TM6SF2: variants seen among roughly 807,000 people sequenced by gnomAD.
The protein encoded by TM6SF2 is transmembrane 6 superfamily member 2.
TM6SF2 carries 29 observed loss-of-function variants against 41.0 expected under a neutral mutation model. The ratio of observed to expected loss-of-function variants is 0.71; its 90% confidence interval spans 0.53 to 0.96. The LOEUF (loss-of-function observed/expected upper bound fraction) is 0.96, where lower values mean the gene tolerates loss of function less well. Among genes scored for constraint, TM6SF2 ranks in the 50% least tolerant of loss-of-function variants. TM6SF2 has a pLI of 0.00. For synonymous variants in TM6SF2, 200 were observed against 209.1 expected (o/e 0.96, Z 0.37); for missense variants, 475 against 499.0 (o/e 0.95, Z 0.46).
chr19:19,270,494 G>A, intron 2 of TM6SF2, 52 bp from the exon 3 acceptor site: 2 of 1,566,396 alleles, frequency 1.3e-6, no homozygotes, highest in Non-Finnish European at 1.7e-6. Context: ...ACGTGTGGGT[G>A]GGGCTAGGGC....
At chr19:19,265,038 G>GTTTT (rs550015865) in intron 9 of TM6SF2, among the ~76,000 whole-genome samples, 165 bp from the exon 10 acceptor site, 24 of 121,048 alleles carry the variant, frequency 2.0e-4, no homozygotes, top group African/African-American at 4.0e-4. Context: ...CCATCTATCT[G>GTTTT]TTTTTTTTTT....
rs1193517870 is a variant in TM6SF2 at position 19,273,296 on chromosome 19, G to A, written c.-81C>T. 12 of 1,112,466 alleles carry A rather than the reference G, an allele frequency of 1.1e-5. No homozygotes were observed. Among genetic ancestry groups the A allele is most frequent in the Admixed American group, 8.5e-5 (2 of 23,636 alleles). The allele number at this position is 1,112,466 out of a possible 1,614,324, so 68.9% of individuals were successfully genotyped here. A position where few individuals can be genotyped will look rare whatever the true frequency, so the allele number is the denominator to read the frequency against. ...TCCTCGTTGGCGGCGAGTCCGGGCC[G>A]AGGCTGCCAGGGACCCGCCCCGCAC... On this transcript the variant is annotated 5_prime_UTR_variant, in exon 1 of 10. Transcript: ENST00000389363.
intron 1 of TM6SF2, 60 bp downstream of exon 1, chr19:19,273,061 T>TTGGCCCCCCCCCCCCC: frequency 3.3e-6 from 1 of 305,470 alleles, no homozygotes; most frequent in Non-Finnish European, 6.1e-6. Context: ...CCTCCAGTCC[T>TTGGCCCCCCCCCCCCC]CCCCGCCCCC....
intron 8 of TM6SF2, 105 bp from the exon 9 acceptor site, chr19:19,266,714 G>A: frequency 1.4e-6 from 2 of 1,400,746 alleles, no homozygotes; most frequent in Non-Finnish European, 1.9e-6. Flanking sequence ...GGATCTGGAT[G>A]GCCTCAGACC....
chr19:19,273,075 C>CCCCCCCCCCCT, intron 1 of TM6SF2, 46 bp downstream of exon 1: 1 of 610,176 alleles, frequency 1.6e-6, no homozygotes, highest in Non-Finnish European at 2.7e-6. Context: ...CGCCCCCGCC[C>CCCCCCCCCCCT]GCCCCCACTG....
intron 1 of TM6SF2, 48 bp from the exon 2 acceptor site, chr19:19,271,173 C>T: frequency 6.9e-7 from 1 of 1,451,220 alleles, no homozygotes; most frequent in Non-Finnish European, 9.7e-7. Context: ...AGTGCTGAGG[C>T]ATCGCCCCAC....
chr19:19,264,759 G>A lies in TM6SF2; in HGVS notation c.1039C>T (p.Pro347Ser), dbSNP rs1280034884. ...FVCNLLYALG[P>S]HLLAYRCLQW... Reference sequence around the variant, plus strand: ...AGGCAACGGTAGGCCAGCAGGTGGGGGCCCAGCGCATACAGCAGATTGCAC... The same window carrying A: ...AGGCAACGGTAGGCCAGCAGGTGGGAGCCCAGCGCATACAGCAGATTGCAC... The change falls in exon 10 of 10, where the codon CCC becomes TCC. Residue 347 changes from proline (P) to serine (S), a missense_variant. By Grantham distance (74) the Pro-to-Ser change is moderately conservative (BLOSUM62 -1). Transcript: ENST00000389363. The A allele has an allele frequency of 6.2e-7, 1 of 1,608,910 alleles. No individual in the cohort carries two copies. Among genetic ancestry groups the A allele is most frequent in the South Asian group, 1.1e-5 (1 of 90,036 alleles).
chr19:19,268,202 T>C (rs916374871), intron 6 of TM6SF2, 115 bp from the exon 7 acceptor site: 10 of 704,822 alleles, frequency 1.4e-5, no homozygotes, highest in South Asian at 2.2e-5. Flanking sequence ...CTTTTTTTTC[T>C]TTTTTCTTTT....
chr19:19,271,221 C>A, intron 1 of TM6SF2, 96 bp from the exon 2 acceptor site: 1 of 968,928 alleles, frequency 1.0e-6, no homozygotes, highest in East Asian at 2.4e-5. Flanking sequence ...CCTGGAAGCC[C>A]CAGGGGAAGA....
At chr19:19,265,042 T>G (rs1211430430) in intron 9 of TM6SF2, among the ~76,000 whole-genome samples, 169 bp from the exon 10 acceptor site, 3 of 146,774 alleles carry the variant, frequency 2.0e-5, no homozygotes, top group Admixed American at 6.7e-5. Context: ...CTATCTGTTT[T>G]TTTTTTTTTT....
chr19:19,264,596 C>G lies in TM6SF2; in HGVS notation c.*68G>C, dbSNP rs2060995862. 2.7e-5 allele frequency: 36 copies of G among 1,320,908 alleles called. No individual in the cohort carries two copies. The highest frequency in any genetic ancestry group is 3.6e-5 in the Non-Finnish European group (36 of 1,012,998). 81.8% of individuals were successfully genotyped at this position (1,320,908 alleles called of 1,614,324 possible). A position where few individuals can be genotyped will look rare whatever the true frequency, so the allele number is the denominator to read the frequency against. On this transcript the variant is annotated 3_prime_UTR_variant, in exon 10 of 10. Transcript: ENST00000389363. ...CCCTCCTGTCTCTAAAACACCCAAC[C>G]CCCGCTTCCCCAGGTAGGGCTGACT...
intron 9 of TM6SF2, among the ~76,000 whole-genome samples, 197 bp downstream of exon 9, chr19:19,266,293 C>T (rs1336900214): frequency 6.6e-6 from 1 of 152,182 alleles, no homozygotes. Flanking sequence ...CAGCCCCTGT[C>T]CCTATTTTCA....
intron 9 of TM6SF2, among the ~76,000 whole-genome samples, chr19:19,266,086 G>A (rs1375789003): frequency 2.0e-5 from 3 of 152,052 alleles, no homozygotes; most frequent in Non-Finnish European, 2.9e-5. Context: ...AAAGCCTTCA[G>A]CATCCAGCTG....
chr19:19,270,025 C>T, intron 4 of TM6SF2, 148 bp downstream of exon 4: 10 of 1,518,404 alleles, frequency 6.6e-6, no homozygotes, highest in Non-Finnish European at 8.8e-6. Flanking sequence ...TCCCTGGAAC[C>T]TTCTCCTGGC....
Position 19,271,049 on chromosome 19 carries a change from C to A in TM6SF2, c.172G>T (p.Glu58Ter), listed in dbSNP as rs199996201. Residue 58 changes from glutamate (E) to a stop codon, truncating the protein, a stop_gained, in exon 2 of 10, where the codon GAG (glutamate) becomes TAG (stop). Transcript: ENST00000389363. LOFTEE classifies it high-confidence loss of function. The stretch of plus-strand genomic sequence containing the variant: ...GCATAGAGTGGGTCATAGGAGACCT[C>A]GCCATGGGACAAGCTGTAGACCGCC... ...FVAVYSLSHG[E>*]VSYDPLYAVF... The A allele has an allele frequency of 1.2e-6, 2 of 1,614,020 alleles. No homozygotes were observed. The highest frequency in any genetic ancestry group is 1.3e-5 in the African/African-American group (1 of 74,912).
chr19:19,267,640 A>G lies in TM6SF2; in HGVS notation c.785T>C (p.Val262Ala), dbSNP rs1365190336. 1 of 1,613,680 alleles carries G rather than the reference A, an allele frequency of 6.2e-7. No individual in the cohort carries two copies. The highest frequency in any genetic ancestry group is 1.3e-5 in the African/African-American group (1 of 75,010). Residue 262 changes from valine (V) to alanine (A), a missense_variant, in exon 8 of 10, where the codon GTG becomes GCG. Val to Ala is a moderately conservative substitution (Grantham distance 64, BLOSUM62 0). Around this residue, in one of 3 missense-constraint regions of TM6SF2, gnomAD observed 190 missense variants for 190.2 expected, o/e 1.00. Transcript: ENST00000389363. ...YQYEPYLRDP[V>A]AYPKVQMLMY... ...TCTCACCTGCACCTTAGGGTAGGCC[A>G]CAGGGTCCCGCAGGTATGGCTCATA...
In TM6SF2 at chr19:19,272,732, C is replaced by T. The variant is rs2061028909; in HGVS notation, c.95+389G>A. Reference sequence around the variant, plus strand: ...GTGTGTGTGTGTGTGTGTGTGTGAGCAGGAGTCAGGTACCCGGGGCCTTAT... The same window carrying T: ...GTGTGTGTGTGTGTGTGTGTGTGAGTAGGAGTCAGGTACCCGGGGCCTTAT... On this transcript the variant is annotated intron_variant, in intron 1 of 9. Coordinates refer to ENST00000389363, the MANE Select transcript of TM6SF2 (RefSeq NM_001001524.3). Among the ~76,000 whole-genome samples the T allele has an allele frequency of 5.5e-5, 5 of 91,254 alleles. No homozygotes were observed. The Admixed American group carries it at 5.6e-4, about 10-fold the overall frequency. 59.9% of individuals were successfully genotyped at this position (91,254 alleles called of 152,430 possible). A position where few individuals can be genotyped will look rare whatever the true frequency, so the allele number is the denominator to read the frequency against.
rs577205451 is a variant in TM6SF2, at chr19:19,267,956, G to A, written c.711+30C>T. ...TCAGGGAAGGGAGACTGGTGGCAGG[G>A]GAGGGGGAGACCAACCAGCGCAGAC... On this transcript the variant is annotated intron_variant, in intron 7 of 9. Coordinates refer to ENST00000389363, the MANE Select transcript of TM6SF2 (RefSeq NM_001001524.3). The A allele has an allele frequency of 2.8e-6, 4 of 1,437,454 alleles. No individual in the cohort carries two copies. The East Asian group carries it at 6.7e-5, about 24-fold the overall frequency. 89.0% of individuals were successfully genotyped at this position (1,437,454 alleles called of 1,614,324 possible).
At position 19,270,207 on chromosome 19, in the gene TM6SF2, G is replaced by T; in HGVS notation, c.367C>A (p.Leu123Ile). 6.2e-7 allele frequency: 1 copy of T among 1,614,124 alleles called. No homozygotes were observed. The change falls in exon 4 of 10, where the codon CTC becomes ATC. Residue 123 changes from leucine (L) to isoleucine (I), a missense_variant. This residue lies in a region of TM6SF2 where 238 missense variants were observed against 228.6 expected (regional missense o/e 1.04). Coordinates refer to ENST00000389363, the MANE Select transcript of TM6SF2 (RefSeq NM_001001524.3). ...CYWDGTVHYL[L>I]YLAMAGAICR... ...ATGGCGCCGGCCATGGCCAGGTAGAGGAGGTAGTGAACAGTGCCATCCCAG... is the reference window on the plus strand; with the variant it reads ...ATGGCGCCGGCCATGGCCAGGTAGATGAGGTAGTGAACAGTGCCATCCCAG...
Sources: gnomAD v4.1 joint callset for allele counts (sites outside exome capture counted in the v4.1 genomes callset) on GRCh38, gnomAD v4.1.1 for gene constraint, gnomAD v4.1.1 regional missense constraint, MANE v1.5 for transcripts, NCBI Gene and HGNC (gene_info 2026-07-23, HGNC 2026-07-21) for gene names.